The following ATPSCKMT variants were observed in gnomAD, a reference collection of about 807,000 sequenced individuals.
ATPSCKMT encodes the protein ATP synthase c subunit lysine N-methyltransferase.
ATPSCKMT carries 24 observed loss-of-function variants against 24.3 expected under a neutral mutation model. The observed-to-expected ratio is 0.99, with a 90% CI of 0.71 to 1.39. The LOEUF (loss-of-function observed/expected upper bound fraction) is 1.39. Among genes scored for constraint, ATPSCKMT ranks in the 40% most tolerant of loss-of-function variants. The pLI is 0.00. For missense variants in ATPSCKMT, 311 were observed against 298.4 expected (o/e 1.04, Z -0.31); for synonymous variants, 95 against 110.5 (o/e 0.86, Z 0.88).
At chr5:10,235,840 T>C (rs16884348) in intron 3 of ATPSCKMT, among the ~76,000 whole-genome samples, 26,177 of 152,196 alleles carry the variant, frequency 0.17, 3,734 homozygotes, top group East Asian at 0.76. Context: ...ATTTACTCTA[T>C]AGAGAGATCG....
At chr5:10,241,332 T>C (rs1448677445) in intron 1 of ATPSCKMT, among the ~76,000 whole-genome samples, 3 of 152,200 alleles carry the variant, frequency 2.0e-5, no homozygotes, top group Non-Finnish European at 4.4e-5. Flanking sequence ...AATTAGAATG[T>C]GGACATTCCT....
chr5:10,238,617 C>T (rs1409517973), intron 2 of ATPSCKMT, among the ~76,000 whole-genome samples: 1 of 152,200 alleles, frequency 6.6e-6, no homozygotes, highest in African/African-American at 2.4e-5. Context: ...TGATCTTCGG[C>T]TTAGTGAGGG....
chr5:10,245,414 C>T (rs772626479), intron 1 of ATPSCKMT, among the ~76,000 whole-genome samples: 1 of 151,366 alleles, frequency 6.6e-6, no homozygotes, highest in Admixed American at 6.6e-5. Flanking sequence ...AGTGAGACTC[C>T]GTCTCAAAAA....
At chr5:10,238,204 T>G (rs1182986240) in intron 2 of ATPSCKMT, among the ~76,000 whole-genome samples, 1 of 152,266 alleles carries the variant, frequency 6.6e-6, no homozygotes, top group South Asian at 2.1e-4. Context: ...GTGAATATGC[T>G]TCACACCCCG....
intron 4 of ATPSCKMT, among the ~76,000 whole-genome samples, chr5:10,230,754 G>A (rs965651418): frequency 2.6e-5 from 4 of 151,862 alleles, no homozygotes; most frequent in Admixed American, 6.6e-5. Flanking sequence ...CAGGAACCCC[G>A]GTTTCACTGG....
At position 10,235,245 on chromosome 5, in the gene ATPSCKMT, T is replaced by C. The variant is rs748170085; in HGVS notation, c.461A>G (p.Tyr154Cys). The C allele has an allele frequency of 3.5e-5, 57 of 1,613,376 alleles. No individual in the cohort carries two copies. The highest frequency in any genetic ancestry group is 4.7e-5 in the Non-Finnish European group (55 of 1,179,622). The change falls in exon 4 of 5, where the codon TAC (tyrosine) becomes TGC (cysteine). Residue 154 changes from tyrosine (Y) to cysteine (C), a missense_variant. By Grantham distance (194) the Tyr-to-Cys change is radical. Coordinates refer to ENST00000511437, the MANE Select transcript of ATPSCKMT (RefSeq NM_199133.4). ...SDLWKVTFSQYSNVVIFGVPQ... is the reference protein window; with the variant it reads ...SDLWKVTFSQCSNVVIFGVPQ... The stretch of plus-strand genomic sequence containing the variant: ...CACACCGAAAATAACAACGTTCGAG[T>C]ACTGCGAAAAAGTAACCTGAACAAG...
intron 1 of ATPSCKMT, 42 bp downstream of exon 1, chr5:10,249,816 T>A: frequency 1.0e-4 from 92 of 878,748 alleles, no homozygotes; most frequent in Middle Eastern, 5.2e-4. Context: ...CCCGCACCCC[T>A]TCTCATGCCC....
chr5:10,233,939 T>C (rs1744265314), intron 4 of ATPSCKMT, among the ~76,000 whole-genome samples: 1 of 152,218 alleles, frequency 6.6e-6, no homozygotes, highest in Non-Finnish European at 1.5e-5. Context: ...TTCTACCTCA[T>C]TTCACTTCTA....
At chr5:10,239,762 A>G (rs1744539686) in intron 1 of ATPSCKMT, among the ~76,000 whole-genome samples, 1 of 152,216 alleles carries the variant, frequency 6.6e-6, no homozygotes, top group African/African-American at 2.4e-5. Context: ...ATGTCTAATT[A>G]TTACCCAATT....
At chr5:10,234,753 C>G (rs972605722) in intron 4 of ATPSCKMT, among the ~76,000 whole-genome samples, 1 of 152,180 alleles carries the variant, frequency 6.6e-6, no homozygotes, top group Admixed American at 6.5e-5. Flanking sequence ...ATATGCCATC[C>G]TCTAGCAAAT....
intron 1 of ATPSCKMT, among the ~76,000 whole-genome samples, chr5:10,246,760 A>G (rs965049177): frequency 6.6e-6 from 1 of 152,242 alleles, no homozygotes. Flanking sequence ...GATGTAATAA[A>G]AAGTTCCTGT....
intron 1 of ATPSCKMT, among the ~76,000 whole-genome samples, chr5:10,239,860 A>G (rs1744544546): frequency 6.6e-6 from 1 of 152,206 alleles, no homozygotes; most frequent in Non-Finnish European, 1.5e-5. Flanking sequence ...AATAGAAGAG[A>G]CAAAAATCAG....
chr5:10,227,526 A>T lies in ATPSCKMT; in HGVS notation c.617T>A (p.Val206Glu). ...AAAAGTGCTTGCATCATATGCCCAC[A>T]CTGTGTCTATCCCCTCCCCCGTGAC... ...DHVTGEGIDTVWAYDASTFRG... is the reference protein window; with the variant it reads ...DHVTGEGIDTEWAYDASTFRG... Residue 206 changes from valine to glutamate, a missense_variant, in exon 5 of 5, where the codon GTG (valine) becomes GAG (glutamate). By Grantham distance (121) the Val-to-Glu change is moderately radical. Coordinates refer to ENST00000511437, the MANE Select transcript of ATPSCKMT (RefSeq NM_199133.4). The T allele has an allele frequency of 6.2e-7, 1 of 1,614,190 alleles. No homozygotes were observed.
intron 1 of ATPSCKMT, chr5:10,244,417 G>A (rs961840602): frequency 6.6e-6 from 1 of 152,102 alleles, no homozygotes; most frequent in African/African-American, 2.4e-5. Context: ...TACTGAATGG[G>A]GCATGTTGGT....
chr5:10,229,543 T>G (rs1374497270), intron 4 of ATPSCKMT, among the ~76,000 whole-genome samples: 2 of 152,272 alleles, frequency 1.3e-5, no homozygotes, highest in East Asian at 1.9e-4. Flanking sequence ...AATGAGTAGT[T>G]TGTGGGGAGA....
Position 10,239,172 on chromosome 5 carries a change from A to G in ATPSCKMT, c.201T>C (p.Cys67=), listed in dbSNP as rs1375317080. The G allele has an allele frequency of 6.2e-7, 1 of 1,614,056 alleles. No homozygotes were observed. Among genetic ancestry groups the G allele is most frequent in the African/African-American group, 1.3e-5 (1 of 74,918 alleles). Residue 67 remains cysteine (C), a synonymous_variant, in exon 2 of 5, where the codon TGT becomes TGC. Coordinates refer to ENST00000511437, the MANE Select transcript of ATPSCKMT (RefSeq NM_199133.4). ...PFVTPALRKV[C]LPFVPATTKQ... is the part of the protein sequence containing the mutation. ...TCGTAGTTGCAGGTACAAACGGCAA[A>G]CAGACTTTTCGAAGGGCTGGCGTTA...
At position 10,249,657 on chromosome 5, in the gene ATPSCKMT, CCGA is replaced by C. The variant is rs1460467791; in HGVS notation, c.16+198_16+200del. The C allele has an allele frequency of 3.7e-6, 3 of 812,888 alleles. No individual in the cohort carries two copies. In the African/African-American group the frequency reaches 5.5e-5, roughly 15 times the overall value. 50.4% of individuals were successfully genotyped at this position (812,888 alleles called of 1,614,324 possible). A position where few individuals can be genotyped will look rare whatever the true frequency, so the allele number is the denominator to read the frequency against. On this transcript the variant is annotated intron_variant, in intron 1 of 4. Transcript: ENST00000511437. ...AACAGTCTCTGGGGAAACGCGCCCGCCGACAAGGATCGCCAGAACCGGCGCGGG... is the reference window on the plus strand; with the variant it reads ...AACAGTCTCTGGGGAAACGCGCCCGCCAAGGATCGCCAGAACCGGCGCGGG...
At chr5:10,246,597 C>G (rs996540553) in intron 1 of ATPSCKMT, among the ~76,000 whole-genome samples, 1 of 152,128 alleles carries the variant, frequency 6.6e-6, no homozygotes, top group Non-Finnish European at 1.5e-5. Context: ...TTCTTTATTT[C>G]TTTTTATGGC....
intron 2 of ATPSCKMT, chr5:10,237,010 T>C: frequency 1.5e-6 from 2 of 1,300,904 alleles, no homozygotes; most frequent in Non-Finnish European, 2.0e-6. Flanking sequence ...GATGGTTTTG[T>C]GAACAAGTAA....
Sources: gnomAD v4.1 joint callset for allele counts (sites outside exome capture counted in the v4.1 genomes callset) on GRCh38, gnomAD v4.1.1 for gene constraint, MANE v1.5 for transcripts, NCBI Gene and HGNC (gene_info 2026-07-23, HGNC 2026-07-21) for gene names.